The following PCDH11X variants were observed in gnomAD, a reference collection of about 807,000 sequenced individuals.
The protein encoded by PCDH11X is protocadherin 11 X-linked, also known as protocadherin-11 X-linked.
Under a neutral mutation model 53.3 loss-of-function variants are expected in PCDH11X, and 18 were observed. The observed-to-expected ratio is 0.34, with a 90% confidence interval of 0.23 to 0.50. The LOEUF (loss-of-function observed/expected upper bound fraction) is 0.50, where lower values mean the gene tolerates loss of function less well. Ranked by LOEUF, PCDH11X falls within the 20% of genes least tolerant of loss-of-function variation. The pLI is 0.98. For synonymous variants in PCDH11X, 279 were observed against 393.3 expected (o/e 0.71, Z 3.44); for missense variants, 570 against 1,032.4 (o/e 0.55, Z 6.14).
At chrX:92,331,133 A>G (rs1453213896) in intron 8 of PCDH11X, among the ~76,000 whole-genome samples, 2 of 108,718 alleles carry the variant, frequency 1.8e-5, no homozygotes, top group African/African-American at 6.7e-5. Context: ...GATAGGCTAC[A>G]TCTTAAATGA....
At chrX:91,912,528 T>G (rs1446367335) in intron 6 of PCDH11X, among the ~76,000 whole-genome samples, 1 of 110,553 alleles carries the variant, frequency 9.0e-6, no homozygotes, top group Non-Finnish European at 1.9e-5. Flanking sequence ...AAAATGATTA[T>G]ATGGTTTCTG....
intron 8 of PCDH11X, among the ~76,000 whole-genome samples, chrX:92,358,769 G>A (rs1181348091): frequency 1.9e-5 from 2 of 105,859 alleles, no homozygotes; most frequent in Admixed American, 1.0e-4. Flanking sequence ...ACCTCTGTTA[G>A]TTTCTTTTAT....
At chrX:92,141,029 T>C (rs1208785146) in intron 6 of PCDH11X, among the ~76,000 whole-genome samples, 1 of 111,876 alleles carries the variant, frequency 8.9e-6, no homozygotes. Flanking sequence ...AGGATCATTC[T>C]TCTCCAGTTG....
chrX:92,431,662 A>C (rs1199035937), intron 9 of PCDH11X, among the ~76,000 whole-genome samples: 1 of 109,688 alleles, frequency 9.1e-6, no homozygotes, highest in African/African-American at 3.3e-5. Flanking sequence ...ACATGAGATG[A>C]GAATAAATTC....
At chrX:92,283,230 G>T (rs1439223341) in intron 8 of PCDH11X, among the ~76,000 whole-genome samples, 1 of 111,456 alleles carries the variant, frequency 9.0e-6, no homozygotes, top group Admixed American at 9.5e-5. Context: ...GATCACTCAA[G>T]TTATGCTGTA....
At chrX:92,127,925 T>C (rs12556326) in intron 6 of PCDH11X, among the ~76,000 whole-genome samples, 8,178 of 111,417 alleles carry the variant, frequency 0.073, 472 homozygotes, top group East Asian at 0.44. Flanking sequence ...GATTATTGAA[T>C]AAGTTAGACT....
intron 6 of PCDH11X, among the ~76,000 whole-genome samples, chrX:92,141,529 T>C (rs1288165822): frequency 8.9e-6 from 1 of 111,982 alleles, no homozygotes; most frequent in Non-Finnish European, 1.9e-5. Flanking sequence ...CTCTTTCGCT[T>C]CCCCATTTTA....
rs1165324683 is a variant in PCDH11X, at chrX:91,886,078, G to T, written c.3033+6805G>T. Among the ~76,000 whole-genome samples, 4 of 111,678 alleles carry T rather than the reference G, an allele frequency of 3.6e-5. No individual in the cohort carries two copies. In the East Asian group the frequency reaches 1.1e-3, roughly 31 times the overall value. On this transcript the variant is annotated intron_variant, in intron 6 of 10. Transcript: ENST00000682573. ...GGCATTGAAACTAGTTTTCCACAAAGGCCAGAGGACAAAAATATTTATTTC... is the reference window on the plus strand; with the variant it reads ...GGCATTGAAACTAGTTTTCCACAAATGCCAGAGGACAAAAATATTTATTTC...
intron 6 of PCDH11X, among the ~76,000 whole-genome samples, chrX:92,107,117 A>T (rs1379484401): frequency 9.0e-6 from 1 of 111,291 alleles, no homozygotes; most frequent in Non-Finnish European, 1.9e-5. Flanking sequence ...TATGACCTGG[A>T]AGCCACCCCT....
chrX:92,124,328 C>T (rs903305342), intron 6 of PCDH11X, among the ~76,000 whole-genome samples: 3 of 109,841 alleles, frequency 2.7e-5, no homozygotes, highest in African/African-American at 9.9e-5. Context: ...GGGCGGATCA[C>T]CTGAAATTGG....
intron 8 of PCDH11X, among the ~76,000 whole-genome samples, chrX:92,352,697 C>T (rs988683380): frequency 1.4e-4 from 15 of 111,075 alleles, no homozygotes; most frequent in Non-Finnish European, 3.8e-5. Flanking sequence ...GTAGTAGTCT[C>T]CCCTTTTCCT....
intron 6 of PCDH11X, among the ~76,000 whole-genome samples, chrX:92,169,958 T>C (rs1224110679): frequency 9.0e-6 from 1 of 111,394 alleles, no homozygotes. Context: ...CAGAGGGCCA[T>C]GGAAATCCAG....
At chrX:92,546,474 A>G (rs1369911440) in intron 10 of PCDH11X, among the ~76,000 whole-genome samples, 2 of 110,963 alleles carry the variant, frequency 1.8e-5, no homozygotes, top group African/African-American at 3.3e-5. Flanking sequence ...AATGTAAATC[A>G]TATTACTTGT....
chrX:91,970,022 G>A (rs1380125894), intron 6 of PCDH11X, among the ~76,000 whole-genome samples: 1 of 110,395 alleles, frequency 9.1e-6, no homozygotes, highest in African/African-American at 3.3e-5. Flanking sequence ...TGGTCTCGCT[G>A]ACTTCAAGAA....
intron 10 of PCDH11X, among the ~76,000 whole-genome samples, chrX:92,605,989 T>G (rs1330865890): frequency 5.1e-4 from 57 of 110,819 alleles, no homozygotes; most frequent in Non-Finnish European, 1.7e-4. Flanking sequence ...CCCAGCACTT[T>G]GGGAGACCGA....
At chrX:91,909,995 T>C (rs1941319277) in intron 6 of PCDH11X, among the ~76,000 whole-genome samples, 1 of 111,689 alleles carries the variant, frequency 9.0e-6, no homozygotes, top group African/African-American at 3.3e-5. Flanking sequence ...CATCATGTTG[T>C]ACGTTAGGTC....
chrX:91,837,968 A>T lies in PCDH11X; in HGVS notation c.540+1924A>T, dbSNP rs935783147. ...CTGCACAGCACAGCCTAAACAAATA[A>T]AAAACGTTTATTTGGACAATACAAA... On this transcript the variant is annotated intron_variant, in intron 5 of 10. Coordinates refer to ENST00000682573, the MANE Select transcript of PCDH11X (RefSeq NM_032968.5). Among the ~76,000 whole-genome samples, 3 of 111,964 alleles carry T rather than the reference A, an allele frequency of 2.7e-5. No individual in the cohort carries two copies. In the Admixed American group the frequency reaches 2.9e-4, roughly 11 times the overall value.
chrX:92,509,577 C>T (rs1253451418), intron 10 of PCDH11X, among the ~76,000 whole-genome samples: 1 of 111,748 alleles, frequency 8.9e-6, no homozygotes, highest in East Asian at 2.8e-4. Flanking sequence ...ATTGATAACA[C>T]CTTCCCTGTT....
rs759212159 is a variant in PCDH11X at position 92,387,734 on chromosome X, G to A, written c.3145-1G>A. ...CCTGTAATTTTCATTCTCCCTTTCA[G>A]TCCCAGCGGCGTGTCACATTTCACC... is the stretch of plus-strand genomic sequence containing the variant. On this transcript the variant is annotated splice_acceptor_variant, in intron 8 of 10. Transcript: ENST00000682573. LOFTEE classifies it high-confidence loss of function. 4.1e-6 allele frequency: 5 copies of A among 1,210,219 alleles called. No individual in the cohort carries two copies. The African/African-American group carries it at 8.7e-5, about 21-fold the overall frequency.
Sources: allele counts gnomAD v4.1 joint callset (sites outside exome capture counted in the v4.1 genomes callset), GRCh38; gene constraint gnomAD v4.1.1; transcripts MANE v1.5; gene names NCBI Gene and HGNC (gene_info 2026-07-23, HGNC 2026-07-21).